Variants in PLEKHA8 observed in about 807,000 individuals in gnomAD.
PLEKHA8 encodes the protein pleckstrin homology domain-containing family A member 8.
A neutral mutation model predicts 68.2 loss-of-function variants in PLEKHA8; 36 were observed. The ratio of observed to expected loss-of-function variants is 0.53; its 90% CI spans 0.40 to 0.70. The LOEUF (loss-of-function observed/expected upper bound fraction) is 0.70. Among genes scored for constraint, PLEKHA8 ranks in the 30% least tolerant of loss-of-function variants. The probability of loss-of-function intolerance (pLI) is 0.00; values close to 1 mark genes in which losing one functional copy is unlikely to be tolerated. For missense variants in PLEKHA8, 505 were observed against 615.4 expected (o/e 0.82, Z 1.90); for synonymous variants, 211 against 216.1 (o/e 0.98, Z 0.20).
rs770626755 is a variant in PLEKHA8, at chr7:30,081,036, G to C, written c.*2249G>C. On this transcript the variant is annotated 3_prime_UTR_variant, in exon 14 of 14. Coordinates refer to ENST00000449726, the MANE Select transcript of PLEKHA8 (RefSeq NM_001197026.2). ...AGCACTCTGAAAATACCTCAGGTTT[G>C]CCACCGCAACTCTGAATACACACAA... is the stretch of plus-strand genomic sequence containing the variant. 46 of 985,310 alleles carry C rather than the reference G, an allele frequency of 4.7e-5. No individual in the cohort carries two copies. The highest frequency in any genetic ancestry group is 5.2e-5 in the Non-Finnish European group (43 of 829,914). 61.0% of individuals were successfully genotyped at this position (985,310 alleles called of 1,614,324 possible).
Position 30,049,205 on chromosome 7 carries a change from C to G in PLEKHA8, c.439-19C>G, listed in dbSNP as rs755066933. ...TTTTTGGCAAGGTAAAGGAGTCTTC[C>G]ACTCTGGTTGTTTCGTAGGAGGGAA... is the stretch of plus-strand genomic sequence containing the variant. On this transcript the variant is annotated intron_variant, in intron 4 of 13. Transcript: ENST00000449726. The G allele has an allele frequency of 6.2e-7, 1 of 1,613,270 alleles. No individual in the cohort carries two copies. Among genetic ancestry groups the G allele is most frequent in the Non-Finnish European group, 8.5e-7 (1 of 1,179,954 alleles).
At chr7:30,116,807 C>T (rs373745323) in intron 13 of PLEKHA8, among the ~76,000 whole-genome samples, 18 of 152,144 alleles carry the variant, frequency 1.2e-4, no homozygotes, top group East Asian at 1.2e-3. Context: ...TGTCTGAAGT[C>T]GTTCCCCAAC....
At chr7:30,041,102 C>T (rs1275349156) in intron 1 of PLEKHA8, among the ~76,000 whole-genome samples, 1 of 152,168 alleles carries the variant, frequency 6.6e-6, no homozygotes, top group Non-Finnish European at 1.5e-5. Context: ...TGGGCTGTAT[C>T]CCAGTTTCCC....
intron 13 of PLEKHA8, among the ~76,000 whole-genome samples, chr7:30,124,123 C>T (rs1321366330): frequency 2.6e-5 from 4 of 152,054 alleles, no homozygotes; most frequent in Non-Finnish European, 5.9e-5. Context: ...TTTTGTTTTC[C>T]GAGGAAGAAG....
chr7:30,076,449 A>G (rs1203060942), intron 13 of PLEKHA8, among the ~76,000 whole-genome samples: 1 of 152,204 alleles, frequency 6.6e-6, no homozygotes, highest in Non-Finnish European at 1.5e-5. Flanking sequence ...GTCGAATACT[A>G]AGAACTACAA....
chr7:30,109,420 CTACAAAAAA>C (rs1465136955), intron 13 of PLEKHA8, among the ~76,000 whole-genome samples: 2 of 151,704 alleles, frequency 1.3e-5, no homozygotes, highest in Non-Finnish European at 2.9e-5. Context: ...AACCCTCTTT[CTACAAAAAA>C]TACAAAAAAT....
chr7:30,042,437 T>C (rs528281745), intron 1 of PLEKHA8, among the ~76,000 whole-genome samples: 1 of 152,294 alleles, frequency 6.6e-6, no homozygotes, highest in East Asian at 1.9e-4. Flanking sequence ...TCTAAATGCC[T>C]TCTACACAAA....
At position 30,081,716 on chromosome 7, in the gene PLEKHA8, G is replaced by A; in HGVS notation, c.*2929G>A. 1 of 985,310 alleles carries A rather than the reference G, an allele frequency of 1.0e-6. No individual in the cohort carries two copies. Among genetic ancestry groups the A allele is most frequent in the East Asian group, 1.1e-4 (1 of 8,806 alleles). 61.0% of individuals were successfully genotyped at this position (985,310 alleles called of 1,614,324 possible). A position where few individuals can be genotyped will look rare whatever the true frequency, so the allele number is the denominator to read the frequency against. ...TCTAGCGTAACCTTTAGAGAGAACT[G>A]GAAGAAAAAGGAAATTGGTCTACTA... is the stretch of plus-strand genomic sequence containing the variant. On this transcript the variant is annotated 3_prime_UTR_variant, in exon 14 of 14. Transcript: ENST00000449726.
chr7:30,102,512 G>A (rs1444363085), intron 13 of PLEKHA8, among the ~76,000 whole-genome samples: 1 of 152,158 alleles, frequency 6.6e-6, no homozygotes, highest in Non-Finnish European at 1.5e-5. Flanking sequence ...CCAGAAATGG[G>A]AAACAACCCA....
chr7:30,068,650 A>T (rs1407123987), intron 12 of PLEKHA8, among the ~76,000 whole-genome samples: 1 of 152,022 alleles, frequency 6.6e-6, no homozygotes. Context: ...TTTTTCAGTT[A>T]TGGGTTAAAA....
intron 13 of PLEKHA8, among the ~76,000 whole-genome samples, chr7:30,127,391 TA>T (rs1399747079): frequency 1.3e-5 from 2 of 152,240 alleles, no homozygotes; most frequent in African/African-American, 2.4e-5. Context: ...CTATGGGTGA[TA>T]TTTTTTGGTA....
At chr7:30,094,563 G>A (rs1795533821), downstream of PLEKHA8, among the ~76,000 whole-genome samples, 1 of 151,482 alleles carries the variant, frequency 6.6e-6, no homozygotes, top group Non-Finnish European at 1.5e-5. Context: ...GGCACAACTT[G>A]CAGGTTTGTT....
chr7:30,074,475 C>T (rs1230157962), intron 13 of PLEKHA8, among the ~76,000 whole-genome samples: 2 of 152,044 alleles, frequency 1.3e-5, no homozygotes, highest in Non-Finnish European at 2.9e-5. Flanking sequence ...TTCCAATGAC[C>T]TTGTGAAGAT....
chr7:30,120,967 A>T (rs2128024770), intron 13 of PLEKHA8, among the ~76,000 whole-genome samples: 1 of 152,306 alleles, frequency 6.6e-6, no homozygotes, highest in East Asian at 1.9e-4. Context: ...CTGGAGGAAT[A>T]CTAGTAACAT....
At chr7:30,042,078 T>A (rs1791583399) in intron 1 of PLEKHA8, among the ~76,000 whole-genome samples, 2 of 152,236 alleles carry the variant, frequency 1.3e-5, no homozygotes, top group Non-Finnish European at 2.9e-5. Context: ...AGTTAAAGAC[T>A]TGAAGAGAAC....
intron 13 of PLEKHA8, among the ~76,000 whole-genome samples, chr7:30,124,896 T>A (rs867545374): frequency 2.3e-4 from 35 of 152,134 alleles, no homozygotes; most frequent in Middle Eastern, 3.4e-3. Flanking sequence ...GTTTTTTTTT[T>A]AAATTTTTGT....
Position 30,084,141 on chromosome 7 carries a change from A to G in PLEKHA8, c.*5354A>G, listed in dbSNP as rs1795080914. 2 of 985,248 alleles carry G rather than the reference A, an allele frequency of 2.0e-6. No homozygotes were observed. The highest frequency in any genetic ancestry group is 2.4e-6 in the Non-Finnish European group (2 of 829,740). The allele number at this position is 985,248 out of a possible 1,614,324, so 61.0% of individuals were successfully genotyped here. On this transcript the variant is annotated 3_prime_UTR_variant, in exon 14 of 14. Coordinates refer to ENST00000449726, the MANE Select transcript of PLEKHA8 (RefSeq NM_001197026.2). ...TTCAGATAAATTTAATCTGGTTAAT[A>G]GACTTAACAAATTAATGTCTACATA...
downstream of PLEKHA8, among the ~76,000 whole-genome samples, chr7:30,086,669 A>G (rs772911333): frequency 2.0e-5 from 3 of 152,218 alleles, no homozygotes; most frequent in East Asian, 1.9e-4. Flanking sequence ...CCATCACTCT[A>G]TGATAACCTG....
downstream of PLEKHA8, among the ~76,000 whole-genome samples, chr7:30,095,581 A>G (rs1795581532): frequency 6.6e-6 from 1 of 152,196 alleles, no homozygotes; most frequent in African/African-American, 2.4e-5. Flanking sequence ...TTGGTGTTTT[A>G]GACATGAAGT....
Sources: gnomAD v4.1 joint callset for allele counts (sites outside exome capture counted in the v4.1 genomes callset) on GRCh38, gnomAD v4.1.1 for gene constraint, MANE v1.5 for transcripts, NCBI Gene and HGNC (gene_info 2026-07-23, HGNC 2026-07-21) for gene names.